Variants in RB1 observed in about 807,000 individuals in gnomAD.
The protein encoded by RB1 is RB transcriptional corepressor 1.
In RB1, 18 loss-of-function variants were observed where a neutral mutation model predicts 135.4. That is an observed-to-expected ratio of 0.13 (90% confidence interval 0.09 to 0.20). RB1 has a LOEUF of 0.20. Ranked by LOEUF, RB1 falls within the 10% of genes least tolerant of loss-of-function variation. RB1 has a pLI of 1.00. For missense variants in RB1, 868 were observed against 1,110.0 expected (o/e 0.78, Z 3.10); for synonymous variants, 365 against 373.2 (o/e 0.98, Z 0.25).
intron 17 of RB1, chr13:48,404,315 A>G (rs549416748): frequency 6.6e-6 from 1 of 152,180 alleles, no homozygotes; most frequent in Non-Finnish European, 1.5e-5. Context: ...AAAATACAAC[A>G]AAGTATTGTA....
intron 24 of RB1, among the ~76,000 whole-genome samples, chr13:48,474,485 C>A (rs1949492023): frequency 6.6e-6 from 1 of 152,166 alleles, no homozygotes; most frequent in African/African-American, 2.4e-5. Context: ...CATAACCTCA[C>A]AGGAATCTTT....
rs745822791 is a variant in RB1 at position 48,304,018 on chromosome 13, G to C, written c.106G>C (p.Asp36His). Residue 36 changes from aspartate to histidine, a missense_variant, in exon 1 of 27, where the codon GAC (aspartate) becomes CAC (histidine). By Grantham distance (81) the Asp-to-His change is moderately conservative (BLOSUM62 -1). Transcript: ENST00000267163. ...CCCTCCTGAGGAGGACCCAGAGCAG[G>C]ACAGCGGCCCGGAGGACCTGCCTCT... is the stretch of plus-strand genomic sequence containing the variant. ...PPPPEEDPEQ[D>H]SGPEDLPLVR... 1 of 1,472,158 alleles carries C rather than the reference G, an allele frequency of 6.8e-7. No individual in the cohort carries two copies. Among genetic ancestry groups the C allele is most frequent in the Non-Finnish European group, 8.9e-7 (1 of 1,120,108 alleles). 91.2% of individuals were successfully genotyped at this position (1,472,158 alleles called of 1,614,324 possible).
chr13:48,378,148 C>G (rs943218562), intron 13 of RB1, among the ~76,000 whole-genome samples: 1 of 152,104 alleles, frequency 6.6e-6, no homozygotes, highest in Non-Finnish European at 1.5e-5. Context: ...TACACTTAGG[C>G]TAAACTAATT....
chr13:48,319,898 G>T lies in RB1; in HGVS notation c.264+12492G>T. 3.0e-6 allele frequency: 1 copy of T among 332,906 alleles called. No individual in the cohort carries two copies. The highest frequency in any genetic ancestry group is 3.7e-5 in the South Asian group (1 of 26,758). The allele number at this position is 332,906 out of a possible 1,614,324, so 20.6% of individuals were successfully genotyped here. On this transcript the variant is annotated intron_variant, in intron 2 of 26. Coordinates refer to ENST00000267163, the MANE Select transcript of RB1 (RefSeq NM_000321.3). The surrounding 1 kb of genome is among the most constrained non-coding windows in gnomAD (Gnocchi z 5.0). Reference sequence around the variant, plus strand: ...TCACTGGATCTCACCTGGCTGCCAGGGCCACCACCTGAGCCAGGTACAAGT... The same window carrying T: ...TCACTGGATCTCACCTGGCTGCCAGTGCCACCACCTGAGCCAGGTACAAGT...
At chr13:48,341,375 G>A (rs1952441517) in intron 2 of RB1, 1 of 151,410 alleles carries the variant, frequency 6.6e-6, no homozygotes, top group African/African-American at 2.4e-5. Flanking sequence ...TATGACTGAA[G>A]CTGCTATGAA....
intron 18 of RB1, among the ~76,000 whole-genome samples, chr13:48,455,204 T>C (rs1949352659): frequency 5.3e-5 from 8 of 152,180 alleles, no homozygotes; most frequent in Admixed American, 5.2e-4. Flanking sequence ...AAAATAACCC[T>C]AGGTTTTTGA....
chr13:48,305,596 G>C (rs1156648100), intron 1 of RB1, among the ~76,000 whole-genome samples: 1 of 152,066 alleles, frequency 6.6e-6, no homozygotes. Context: ...AAAGAGGACT[G>C]TTTCTTTCAT....
chr13:48,478,700 C>A (rs930786374), intron 26 of RB1, among the ~76,000 whole-genome samples: 5 of 152,178 alleles, frequency 3.3e-5, no homozygotes, highest in Non-Finnish European at 7.3e-5. Flanking sequence ...ATTTTAACCC[C>A]TGAGGCTAAG....
intron 12 of RB1, among the ~76,000 whole-genome samples, chr13:48,373,805 T>A (rs1247922184): frequency 6.6e-6 from 1 of 152,142 alleles, no homozygotes; most frequent in Non-Finnish European, 1.5e-5. Context: ...ACTTTAGTGG[T>A]ATTAATTTGG....
chr13:48,354,764 C>T (rs991486869), intron 6 of RB1, among the ~76,000 whole-genome samples: 1 of 152,036 alleles, frequency 6.6e-6, no homozygotes, highest in Non-Finnish European at 1.5e-5. Flanking sequence ...GAAACAAATC[C>T]ACATGCCTAC....
intron 5 of RB1, 76 bp from the exon 6 acceptor site, chr13:48,348,880 A>G (rs1952521509): frequency 6.5e-7 from 1 of 1,531,908 alleles, no homozygotes; most frequent in Non-Finnish European, 8.8e-7. Context: ...AGAAACACCC[A>G]AAAGATATAT....
At chr13:48,377,276 A>G (rs978772056) in intron 13 of RB1, among the ~76,000 whole-genome samples, 1 of 152,212 alleles carries the variant, frequency 6.6e-6, no homozygotes, top group Non-Finnish European at 1.5e-5. Context: ...ATTTTGGAAA[A>G]TACAACTAAG....
At chr13:48,350,824 T>C (rs532812816) in intron 6 of RB1, among the ~76,000 whole-genome samples, 48 of 152,318 alleles carry the variant, frequency 3.2e-4, no homozygotes, top group Admixed American at 2.6e-4. Flanking sequence ...AGTGAGGCCA[T>C]GCAGTATTTA....
chr13:48,457,603 C>A (rs917297295), intron 19 of RB1, among the ~76,000 whole-genome samples: 1 of 152,214 alleles, frequency 6.6e-6, no homozygotes, highest in African/African-American at 2.4e-5. Flanking sequence ...TGCTCAGGAG[C>A]CCATCTGCCT....
chr13:48,341,457 A>G (rs1333725613), intron 2 of RB1: 1 of 152,024 alleles, frequency 6.6e-6, no homozygotes, highest in Non-Finnish European at 1.5e-5. Flanking sequence ...TGTTATGAAA[A>G]GTGCATATTT....
In RB1 at chr13:48,373,492, C is replaced by T. The variant is rs758187955; in HGVS notation, c.1215C>T (p.Asn405=). Residue 405 remains asparagine, a splice_region_variant and synonymous_variant, in exon 12 of 27, where the codon AAC becomes AAT. Transcript: ENST00000267163. The part of the protein sequence containing the change: ...QPSENLISYF[N]NCTVNPKESI... ...CAGAAAATCTGATTTCCTATTTTAA[C>T]GTAAGCCATATATGAAACATTATTT... 2.5e-5 allele frequency: 38 copies of T among 1,540,170 alleles called. No individual in the cohort carries two copies. The highest frequency in any genetic ancestry group is 1.8e-4 in the Admixed American group (11 of 59,824).
At chr13:48,321,209 T>A (rs996686616) in intron 2 of RB1, among the ~76,000 whole-genome samples, 2 of 151,986 alleles carry the variant, frequency 1.3e-5, no homozygotes, top group African/African-American at 4.8e-5. Context: ...GGCTGGCCCA[T>A]TTACTTAGTT....
In RB1 at chr13:48,319,105, C is replaced by G; in HGVS notation, c.264+11699C>G. 2 of 611,780 alleles carry G rather than the reference C, an allele frequency of 3.3e-6. No individual in the cohort carries two copies. The highest frequency in any genetic ancestry group is 6.0e-6 in the Non-Finnish European group (2 of 330,786). 37.9% of individuals were successfully genotyped at this position (611,780 alleles called of 1,614,324 possible). A position where few individuals can be genotyped will look rare whatever the true frequency, so the allele number is the denominator to read the frequency against. On this transcript the variant is annotated intron_variant, in intron 2 of 26. Transcript: ENST00000267163. This position sits in a 1 kb window ranked among gnomAD's most constrained non-coding sequence, Gnocchi z 5.0. ...GTTCTACAAACTCGTTCCTGGAAGCCGGGCTCGCTGGAGGCGGAGCTTTGG... is the reference window on the plus strand; with the variant it reads ...GTTCTACAAACTCGTTCCTGGAAGCGGGGCTCGCTGGAGGCGGAGCTTTGG...
rs192007036 is a variant in RB1 at position 48,311,207 on chromosome 13, A to G, written c.264+3801A>G. Among the ~76,000 whole-genome samples the G allele has an allele frequency of 3.0e-4, 45 of 152,332 alleles. 1 individual carries two copies. In the East Asian group the frequency reaches 8.5e-3, roughly 29 times the overall value. On this transcript the variant is annotated intron_variant, in intron 2 of 26. Transcript: ENST00000267163. ...ATGTGAACCTCATAGGCTTTTTGTT[A>G]TACATACATATATATGTATATGAAA...
Sources: gnomAD v4.1 joint callset for allele counts (sites outside exome capture counted in the v4.1 genomes callset) on GRCh38, gnomAD v4.1.1 for gene constraint, Gnocchi (gnomAD v3.1) non-coding constraint, MANE v1.5 for transcripts, NCBI Gene and HGNC (gene_info 2026-07-23, HGNC 2026-07-21) for gene names.